Variants in CLDN10 observed in about 807,000 individuals in gnomAD.
CLDN10 encodes the protein claudin 10, also known as claudin-10.
CLDN10 carries 15 observed loss-of-function variants against 22.9 expected under a neutral mutation model. The ratio of observed to expected loss-of-function variants is 0.65; its 90% confidence interval spans 0.44 to 1.01. CLDN10 has a LOEUF of 1.01. Among genes scored for constraint, CLDN10 ranks in the 50% least tolerant of loss-of-function variants. The probability of loss-of-function intolerance (pLI) is 0.00; values close to 1 mark genes in which losing one functional copy is unlikely to be tolerated. For missense variants in CLDN10, 247 were observed against 287.8 expected, an observed-to-expected ratio of 0.86 and a Z score of 1.03; for synonymous variants, 114 against 111.4, an observed-to-expected ratio of 1.02 and a Z score of -0.15.
At chr13:95,458,613 G>A (rs969377084) in intron 1 of CLDN10, among the ~76,000 whole-genome samples, 2 of 152,118 alleles carry the variant, frequency 1.3e-5, no homozygotes, top group Non-Finnish European at 2.9e-5. Context: ...GAGCATGGGG[G>A]AAACTGCTCC....
At chr13:95,463,774 A>T (rs973608608) in intron 1 of CLDN10, among the ~76,000 whole-genome samples, 1 of 152,074 alleles carries the variant, frequency 6.6e-6, no homozygotes, top group African/African-American at 2.4e-5. Context: ...GTGACCCAAT[A>T]CACAGGCTAA....
intron 3 of CLDN10, among the ~76,000 whole-genome samples, chr13:95,564,771 G>A (rs574156657): frequency 6.6e-6 from 1 of 152,300 alleles, no homozygotes; most frequent in South Asian, 2.1e-4. Context: ...GAAAAAATGA[G>A]TGGCTTCTAG....
intron 3 of CLDN10, among the ~76,000 whole-genome samples, chr13:95,568,083 G>A (rs2043808219): frequency 1.3e-5 from 2 of 152,264 alleles, no homozygotes; most frequent in African/African-American, 4.8e-5. Context: ...AGGTGACCTT[G>A]TCAAGATGTT....
chr13:95,533,214 C>CA (rs5805939), intron 1 of CLDN10, among the ~76,000 whole-genome samples: 64,870 of 124,466 alleles, frequency 0.52, 15,925 homozygotes, highest in Admixed American at 0.6. Flanking sequence ...TTAAATATTC[C>CA]AAAAAAAAAA....
chr13:95,505,786 G>A (rs1000630810), intron 1 of CLDN10, among the ~76,000 whole-genome samples: 4 of 118,632 alleles, frequency 3.4e-5, no homozygotes, highest in East Asian at 2.5e-4. Flanking sequence ...ACGGAGTCTC[G>A]CTCTGTCGTC....
intron 1 of CLDN10, among the ~76,000 whole-genome samples, chr13:95,496,417 G>A (rs1239370919): frequency 2.0e-5 from 3 of 152,226 alleles, no homozygotes; most frequent in African/African-American, 7.2e-5. Flanking sequence ...TTTAAGATAG[G>A]AAGATAGTAC....
At chr13:95,502,486 G>GC (rs975321257) in intron 1 of CLDN10, among the ~76,000 whole-genome samples, 2 of 151,380 alleles carry the variant, frequency 1.3e-5, no homozygotes, top group African/African-American at 4.9e-5. Context: ...CAGCTTGGGA[G>GC]CATGTTTTTT....
upstream of CLDN10, among the ~76,000 whole-genome samples, chr13:95,548,264 G>A (rs914611328): frequency 2.7e-4 from 41 of 152,182 alleles, no homozygotes; most frequent in African/African-American, 9.7e-4. Context: ...TCCTGCTGGG[G>A]CCCAAACCTT....
chr13:95,477,554 G>T (rs971567676), intron 1 of CLDN10, among the ~76,000 whole-genome samples: 3 of 152,132 alleles, frequency 2.0e-5, no homozygotes, highest in Non-Finnish European at 4.4e-5. Flanking sequence ...GATGCACGCG[G>T]GGCAGATGTT....
At chr13:95,553,006 T>A in intron 1 of CLDN10, 33 bp downstream of exon 1, 1 of 1,609,536 alleles carries the variant, frequency 6.2e-7, no homozygotes, top group Non-Finnish European at 8.5e-7. Flanking sequence ...CCCTCAGCCC[T>A]CCTTCCTTGA....
intron 1 of CLDN10, among the ~76,000 whole-genome samples, chr13:95,522,633 G>A (rs1244816128): frequency 6.6e-6 from 1 of 151,968 alleles, no homozygotes; most frequent in Non-Finnish European, 1.5e-5. Flanking sequence ...TATCTTTACT[G>A]ATTTTTTAGA....
intron 1 of CLDN10, among the ~76,000 whole-genome samples, chr13:95,472,656 C>A (rs1436335816): frequency 7.4e-6 from 1 of 135,894 alleles, no homozygotes; most frequent in Non-Finnish European, 1.6e-5. Context: ...GGCAACAGAG[C>A]GAGACTCCGT....
At position 95,434,001 on chromosome 13, in the gene CLDN10, G is replaced by A. The variant is rs756083702; in HGVS notation, c.168G>A (p.Leu56=). ...GGATGAACTGCGCAGGTAACGCGTT[G>A]GGTTCTTTCCATTGCCGACCGCATT... Residue 56 remains leucine, a synonymous_variant, in exon 1 of 5, where the codon TTG becomes TTA. Transcript: ENST00000376873. The A allele has an allele frequency of 8.7e-6, 14 of 1,614,194 alleles. No homozygotes were observed. The South Asian group carries it at 1.5e-4, about 18-fold the overall frequency.
At chr13:95,453,290 G>A (rs1001715989) in intron 1 of CLDN10, among the ~76,000 whole-genome samples, 10 of 151,974 alleles carry the variant, frequency 6.6e-5, no homozygotes, top group Admixed American at 3.9e-4. Context: ...CTTGTCTGTC[G>A]GGAGAACCCA....
At chr13:95,435,873 C>T (rs1432808375) in intron 1 of CLDN10, among the ~76,000 whole-genome samples, 2 of 151,410 alleles carry the variant, frequency 1.3e-5, no homozygotes, top group Non-Finnish European at 2.9e-5. Flanking sequence ...CAAGGCTGGT[C>T]TCGATCTCCT....
At chr13:95,524,044 T>C (rs373178276) in intron 1 of CLDN10, among the ~76,000 whole-genome samples, 1 of 152,220 alleles carries the variant, frequency 6.6e-6, no homozygotes, top group Admixed American at 6.5e-5. Flanking sequence ...ACTATTACCA[T>C]TGAAAAGTAA....
chr13:95,448,019 C>G lies in CLDN10; in HGVS notation c.214+13972C>G, dbSNP rs146368634. ...TGCGGCGAGAGGTGGGGGTGATCTG[C>G]CATTGCACAGGTGCTAAGCTACCCA... On this transcript the variant is annotated intron_variant, in intron 1 of 4. Transcript: ENST00000376873. Among the ~76,000 whole-genome samples the G allele has an allele frequency of 1.1e-3, 173 of 152,262 alleles. 1 individual carries two copies. Among genetic ancestry groups the G allele is most frequent in the African/African-American group, 4.0e-3 (168 of 41,546 alleles).
intron 1 of CLDN10, among the ~76,000 whole-genome samples, chr13:95,481,657 A>G (rs80309497): frequency 0.041 from 6,216 of 152,304 alleles, 155 homozygotes; most frequent in Middle Eastern, 0.082. Context: ...GAACACTGAA[A>G]TTTGAATTTC....
At chr13:95,472,548 T>C (rs1016811074) in intron 1 of CLDN10, among the ~76,000 whole-genome samples, 4 of 151,730 alleles carry the variant, frequency 2.6e-5, no homozygotes, top group Non-Finnish European at 4.4e-5. Context: ...TGTGTGCCTG[T>C]AATCCCAGGT....
Sources: allele counts gnomAD v4.1 joint callset (sites outside exome capture counted in the v4.1 genomes callset), GRCh38; gene constraint gnomAD v4.1.1; transcripts MANE v1.5; gene names NCBI Gene and HGNC (gene_info 2026-07-23, HGNC 2026-07-21).